The following CEP152 variants were observed in gnomAD, a reference collection of about 807,000 sequenced individuals.
CEP152 encodes centrosomal protein 152.
Under a neutral mutation model 188.9 loss-of-function variants are expected in CEP152, and 132 were observed. The observed-to-expected ratio is 0.70, with a 90% CI of 0.61 to 0.81. The LOEUF is 0.81. CEP152 is among the 30% of genes least tolerant of loss of function. The pLI is 0.00. For synonymous variants in CEP152, 649 were observed against 666.6 expected (o/e 0.97, Z 0.41); for missense variants, 1,914 against 1,969.8 (o/e 0.97, Z 0.54).
At chr15:48,739,353 GAACA>G (rs1301267246) in intron 26 of CEP152, 65 bp from the exon 27 acceptor site, 8 of 1,482,246 alleles carry the variant, frequency 5.4e-6, no homozygotes, top group Non-Finnish European at 7.1e-6. Flanking sequence ...ATTCATCCTT[GAACA>G]AAAAAATAAA....
At chr15:48,797,209 T>C (rs945635205) in intron 5 of CEP152, 92 bp downstream of exon 5, 8 of 1,409,346 alleles carry the variant, frequency 5.7e-6, no homozygotes, top group East Asian at 4.6e-5. Flanking sequence ...CATCTTACCA[T>C]TGTACTCACA....
At chr15:48,775,647 T>C (rs1895843351) in intron 12 of CEP152, among the ~76,000 whole-genome samples, 1 of 152,150 alleles carries the variant, frequency 6.6e-6, no homozygotes, top group South Asian at 2.1e-4. Flanking sequence ...GAAGATCATA[T>C]TATACGATTC....
At chr15:48,762,919 C>G (rs532710963) in intron 17 of CEP152, among the ~76,000 whole-genome samples, 1 of 152,048 alleles carries the variant, frequency 6.6e-6, no homozygotes, top group South Asian at 2.1e-4. Context: ...TGTGTAAAGT[C>G]AGGATATCTT....
At chr15:48,780,272 T>C (rs1331152062) in intron 12 of CEP152, among the ~76,000 whole-genome samples, 1 of 152,196 alleles carries the variant, frequency 6.6e-6, no homozygotes, top group Non-Finnish European at 1.5e-5. Context: ...GACCTCTAGA[T>C]AAATGGAGCC....
chr15:48,792,158 T>G (rs916860497), intron 7 of CEP152, among the ~76,000 whole-genome samples: 1 of 151,898 alleles, frequency 6.6e-6, no homozygotes, highest in Admixed American at 6.6e-5. Flanking sequence ...ACCCAGCTAA[T>G]TTTTTGTATT....
At chr15:48,767,021 A>G in intron 17 of CEP152, 39 bp downstream of exon 17, 5 of 1,609,262 alleles carry the variant, frequency 3.1e-6, no homozygotes, top group Non-Finnish European at 4.2e-6. Flanking sequence ...AGGCTTGAAG[A>G]GTGAAAGGAT....
chr15:48,762,243 T>C (rs1398530402), intron 18 of CEP152, 148 bp downstream of exon 18: 1 of 765,312 alleles, frequency 1.3e-6, no homozygotes, highest in Non-Finnish European at 2.1e-6. Flanking sequence ...TGAAGAAAAA[T>C]TTAGGAACAT....
rs1893636946 is a variant in CEP152, at chr15:48,748,569, G to A, written c.3508C>T (p.His1170Tyr). The change falls in exon 22 of 27, where the codon CAC becomes TAC. Residue 1170 changes from histidine (H) to tyrosine (Y), a missense_variant. Transcript: ENST00000380950. ...VLEIKDLCCG[H>Y]CFQELEKAKQ... ...GCCTTTTCAAGTTCTTGGAAGCAGT[G>A]TCCACAGCATAAATCCTTAATTTCA... The A allele has an allele frequency of 1.3e-6, 2 of 1,530,354 alleles. No individual in the cohort carries two copies. The highest frequency in any genetic ancestry group is 1.2e-5 in the South Asian group (1 of 82,938). The allele number at this position is 1,530,354 out of a possible 1,614,324, so 94.8% of individuals were successfully genotyped here.
At chr15:48,740,152 A>C (rs935195498) in intron 26 of CEP152, among the ~76,000 whole-genome samples, 1 of 152,214 alleles carries the variant, frequency 6.6e-6, no homozygotes, top group Admixed American at 6.5e-5. Context: ...TGCTTTATAT[A>C]AAGCTGTATG....
chr15:48,788,963 T>C lies in CEP152; in HGVS notation c.1011A>G (p.Glu337=). 6.2e-7 allele frequency: 1 copy of C among 1,614,208 alleles called. No individual in the cohort carries two copies. The change falls in exon 9 of 27, where the codon GAA becomes GAG. Residue 337 remains glutamate (E), a synonymous_variant. Coordinates refer to ENST00000380950, the MANE Select transcript of CEP152 (RefSeq NM_001194998.2). Reference sequence around the variant, plus strand: ...GGTCCACCAGCTGCTGCTTCAAGCTTTCCAGAGCCATTTCAGTTGTTCTGG... The same window carrying C: ...GGTCCACCAGCTGCTGCTTCAAGCTCTCCAGAGCCATTTCAGTTGTTCTGG... The part of the protein sequence containing the change: ...KKSRTTEMAL[E]SLKQQLVDLH...
Position 48,738,972 on chromosome 15 carries a change from T to C in CEP152, c.4410A>G (p.Glu1470=), listed in dbSNP as rs1172115264. The change falls in exon 27 of 27, where the codon GAA becomes GAG. Residue 1470 remains glutamate, a synonymous_variant. Transcript: ENST00000380950. The stretch of plus-strand genomic sequence containing the variant: ...TCTTCTTGTGCAAACCAAAGCCTCC[T>C]TCACCTTCACAAGGAACAAACTCAG... ...VSPEFVPCEG[E]GGFGLHKKKD... is the part of the protein sequence containing the mutation. 3.1e-6 allele frequency: 5 copies of C among 1,613,970 alleles called. No homozygotes were observed. The African/African-American group carries it at 4.0e-5, about 13-fold the overall frequency.
At position 48,732,229 on chromosome 15, in the gene CEP152, C is replaced by G. The variant is rs567740043; in HGVS notation, c.142+9402G>C. On this transcript the variant is annotated intron_variant and NMD_transcript_variant, in intron 2 of 3. Coordinates refer to the CEP152 transcript ENST00000561245. The stretch of plus-strand genomic sequence containing the variant: ...AATCAATCTGCTATAAATACACATG[C>G]ACACGTATGTTTCCTGCAGCACTAT... Among the ~76,000 whole-genome samples the G allele has an allele frequency of 1.6e-3, 248 of 152,342 alleles. 1 individual carries two copies. Among genetic ancestry groups the G allele is most frequent in the Non-Finnish European group, 2.4e-3 (164 of 68,034 alleles).
intron 17 of CEP152, 152 bp downstream of exon 17, chr15:48,766,908 G>T: frequency 2.2e-6 from 2 of 903,890 alleles, no homozygotes; most frequent in South Asian, 1.4e-5. Context: ...TATTTTATTT[G>T]TGAGCTATAT....
At chr15:48,742,439 T>C (rs1349667849) in intron 24 of CEP152, among the ~76,000 whole-genome samples, 1 of 152,146 alleles carries the variant, frequency 6.6e-6, no homozygotes, top group Admixed American at 6.5e-5. Flanking sequence ...CAATTGTACA[T>C]TATGTCCAGT....
intron 20 of CEP152, 142 bp from the exon 21 acceptor site, chr15:48,752,611 TTAGGGTGTTATATAAGTACTGTCACTGTA>T: frequency 7.2e-7 from 1 of 1,394,836 alleles, no homozygotes; most frequent in South Asian, 1.5e-5. Flanking sequence ...AATATTTTTC[TTAGGGTGTTATATAAGTACTGTCACTGTA>T]CTAGGAACTA....
intron 2 of CEP152, among the ~76,000 whole-genome samples, chr15:48,800,007 A>G (rs2140915355): frequency 6.6e-6 from 1 of 152,362 alleles, no homozygotes; most frequent in East Asian, 1.9e-4. Flanking sequence ...TCAAGTACAT[A>G]GCCTTAAAAT....
Position 48,739,287 on chromosome 15 carries a change from T to C in CEP152, c.4095A>G (p.Ala1365=). ...SKSQSKTTQS[A]LPLTSEMLIA... is the part of the protein sequence containing the mutation. ...TCAGCATCTCTGAAGTTAGGGGCAGTGCTATTATGTGCAAGGAAACACGAA... is the reference window on the plus strand; with the variant it reads ...TCAGCATCTCTGAAGTTAGGGGCAGCGCTATTATGTGCAAGGAAACACGAA... The change falls in exon 27 of 27, where the codon GCA becomes GCG. Residue 1365 remains alanine (A), a splice_region_variant and synonymous_variant. Transcript: ENST00000380950. The C allele has an allele frequency of 2.5e-6, 4 of 1,609,972 alleles. No individual in the cohort carries two copies. Among genetic ancestry groups the C allele is most frequent in the Non-Finnish European group, 3.4e-6 (4 of 1,179,052 alleles).
chr15:48,750,004 T>C (rs760002256), intron 21 of CEP152, among the ~76,000 whole-genome samples: 12 of 152,048 alleles, frequency 7.9e-5, no homozygotes, highest in Admixed American at 2.0e-4. Context: ...AAAGTCACAA[T>C]GTATATATAA....
At position 48,775,983 on chromosome 15, in the gene CEP152, A is replaced by T. The variant is rs542652581; in HGVS notation, c.1578-3292T>A. On this transcript the variant is annotated intron_variant, in intron 12 of 26. Transcript: ENST00000380950. ...GTATGAGTTTCCTTCATATGAAGGC[A>T]AATCTAATAATCTGTAGTGCTTAGG... Among the ~76,000 whole-genome samples, 216 of 152,170 alleles carry T rather than the reference A, an allele frequency of 1.4e-3. 1 individual carries two copies. The highest frequency in any genetic ancestry group is 1.2e-3 in the Non-Finnish European group (82 of 67,954).
Sources: gnomAD v4.1 joint callset for allele counts (sites outside exome capture counted in the v4.1 genomes callset) on GRCh38, gnomAD v4.1.1 for gene constraint, MANE v1.5 for transcripts, NCBI Gene and HGNC (gene_info 2026-07-23, HGNC 2026-07-21) for gene names.